Variants in MKLN1 observed in about 807,000 individuals in gnomAD.
MKLN1 encodes the protein muskelin 1.
In MKLN1, 18 loss-of-function variants were observed where a neutral mutation model predicts 99.0. The observed-to-expected ratio is 0.18, with a 90% CI of 0.13 to 0.27. MKLN1 has a LOEUF of 0.27. MKLN1 is among the 10% of genes least tolerant of loss of function. MKLN1 has a pLI of 1.00. For synonymous variants in MKLN1, 288 were observed against 293.2 expected, an observed-to-expected ratio of 0.98 and a Z score of 0.18; for missense variants, 621 against 875.9, an observed-to-expected ratio of 0.71 and a Z score of 3.67.
rs921544164 is a variant in MKLN1 at position 131,481,943 on chromosome 7, C to T, written c.2086+3266C>T. Among the ~76,000 whole-genome samples the T allele has an allele frequency of 4.6e-4, 69 of 151,434 alleles. 2 individuals carry two copies. Among genetic ancestry groups the T allele is most frequent in the African/African-American group, 1.6e-3 (67 of 41,192 alleles). ...TATTGTATGTAAAATTTTAAAGAAT[C>T]AGAAAGATGGAAGGTGACATTATCT... On this transcript the variant is annotated intron_variant, in intron 17 of 17. Coordinates refer to ENST00000352689, the MANE Select transcript of MKLN1 (RefSeq NM_013255.5).
At position 131,490,063 on chromosome 7, in the gene MKLN1, A is replaced by G. The variant is rs1797386430; in HGVS notation, c.*2335A>G. 1 of 152,594 alleles carries G rather than the reference A, an allele frequency of 6.6e-6. No individual in the cohort carries two copies. 9.5% of individuals were successfully genotyped at this position (152,594 alleles called of 1,614,324 possible). A position where few individuals can be genotyped will look rare whatever the true frequency, so the allele number is the denominator to read the frequency against. On this transcript the variant is annotated 3_prime_UTR_variant, in exon 18 of 18. Transcript: ENST00000352689. ...AGAGAATGTAGTGCTTCATATATCC[A>G]TGACCAAGATTGACATGTTGCTCAC...
intron 3 of MKLN1, among the ~76,000 whole-genome samples, chr7:131,211,228 G>A (rs1351198019): frequency 6.6e-6 from 1 of 152,132 alleles, no homozygotes; most frequent in East Asian, 1.9e-4. Context: ...TTCCATTAGA[G>A]CTGCTTTCCA....
intron 3 of MKLN1, among the ~76,000 whole-genome samples, chr7:131,231,609 C>T (rs944883438): frequency 2.6e-5 from 4 of 152,118 alleles, no homozygotes; most frequent in African/African-American, 9.7e-5. Context: ...TGTGCATGCT[C>T]GTGCGTGCAG....
upstream of MKLN1, chr7:131,327,785 G>T: frequency 4.2e-6 from 6 of 1,445,562 alleles, no homozygotes; most frequent in Non-Finnish European, 5.4e-6. Flanking sequence ...ACGATGCGGG[G>T]CGGGGAGCGC....
At chr7:131,118,662 G>T (rs752206855) in intron 1 of MKLN1, among the ~76,000 whole-genome samples, 6 of 152,156 alleles carry the variant, frequency 3.9e-5, no homozygotes, top group Admixed American at 2.6e-4. Flanking sequence ...AGGAAGCATC[G>T]CTGGGGAGGT....
Position 131,429,111 on chromosome 7 carries a change from A to T in MKLN1, c.926A>T (p.Gln309Leu), listed in dbSNP as rs1319205089. Reference sequence around the variant, plus strand: ...TGGGCGTACAGTGTGAAGGAGAACCAGTGGACATGTATCTCTAGAGACACT... The same window carrying T: ...TGGGCGTACAGTGTGAAGGAGAACCTGTGGACATGTATCTCTAGAGACACT... ...DFWAYSVKEN[Q>L]WTCISRDTEK... Residue 309 changes from glutamine (Q) to leucine (L), a missense_variant, in exon 9 of 18, where the codon CAG (glutamine) becomes CTG (leucine). Physicochemically the swap from Gln to Leu is moderately radical, Grantham distance 113. Coordinates refer to ENST00000352689, the MANE Select transcript of MKLN1 (RefSeq NM_013255.5). 1.9e-6 allele frequency: 3 copies of T among 1,613,914 alleles called. No homozygotes were observed. In the African/African-American group the frequency reaches 4.0e-5, roughly 22 times the overall value.
intron 14 of MKLN1, among the ~76,000 whole-genome samples, chr7:131,465,687 C>T (rs755624309): frequency 1.3e-5 from 2 of 151,952 alleles, no homozygotes; most frequent in Admixed American, 6.6e-5. Flanking sequence ...TACAGGCGCC[C>T]GCCACCACGC....
chr7:131,319,409 ACT>A (rs1389330980), intron 3 of MKLN1, among the ~76,000 whole-genome samples: 2 of 152,158 alleles, frequency 1.3e-5, no homozygotes, highest in Non-Finnish European at 2.9e-5. Context: ...CATGTTAAAA[ACT>A]CTCAATAAAC....
rs187941345 is a variant in MKLN1, at chr7:131,168,945, G to A, written c.-297+26004G>A. ...GGCAGTGGTGCAATCTTGGCTCACC[G>A]CAACCTCCACCTCCTGGGTTCAAGC... On this transcript the variant is annotated intron_variant, in intron 2 of 7. Coordinates refer to the MKLN1 transcript ENST00000416992. 3.8e-3 allele frequency among the ~76,000 whole-genome samples: 566 copies of A among 148,792 alleles called. 3 individuals are homozygous for A. Among genetic ancestry groups the A allele is most frequent in the African/African-American group, 0.013 (518 of 40,338 alleles).
In MKLN1 at chr7:131,476,883, A is replaced by G. The variant is rs530457958; in HGVS notation, c.2032-1740A>G. 2.0e-5 allele frequency among the ~76,000 whole-genome samples: 3 copies of G among 152,350 alleles called. No individual in the cohort carries two copies. In the East Asian group the frequency reaches 5.8e-4, roughly 29 times the overall value. ...AAGACAGTGTGGTACTGGCTTAAGG[A>G]TAGACAAATGGATCAGTACAACAGA... On this transcript the variant is annotated intron_variant, in intron 16 of 17. Transcript: ENST00000352689.
At chr7:131,469,652 C>T (rs866628457) in intron 15 of MKLN1, among the ~76,000 whole-genome samples, 5 of 152,334 alleles carry the variant, frequency 3.3e-5, no homozygotes, top group Middle Eastern at 3.4e-3. Flanking sequence ...TCAACCTGAA[C>T]ACCATCGTGA....
intron 3 of MKLN1, among the ~76,000 whole-genome samples, chr7:131,233,086 T>C (rs1177965629): frequency 2.0e-5 from 3 of 152,136 alleles, no homozygotes; most frequent in Admixed American, 2.0e-4. Context: ...TTGCCTGTAA[T>C]CTCAGCACTT....
intron 9 of MKLN1, among the ~76,000 whole-genome samples, chr7:131,431,070 A>G (rs1443148137): frequency 2.0e-5 from 3 of 152,088 alleles, no homozygotes; most frequent in African/African-American, 7.2e-5. Flanking sequence ...CTAAAAATAG[A>G]AACTAGCTGG....
Position 131,351,706 on chromosome 7 carries a change from C to T in MKLN1, c.98+23709C>T, listed in dbSNP as rs895563564. Among the ~76,000 whole-genome samples the T allele has an allele frequency of 2.6e-5, 4 of 152,140 alleles. No homozygotes were observed. In the South Asian group the frequency reaches 8.3e-4, roughly 32 times the overall value. ...CTTAAACTCCTGGCCTCAAGCAATC[C>T]TCCCACATTGGCCTCCATCAGTTTT... On this transcript the variant is annotated intron_variant, in intron 1 of 17. Transcript: ENST00000352689.
At chr7:131,455,580 G>A (rs921948831) in intron 12 of MKLN1, among the ~76,000 whole-genome samples, 1 of 152,040 alleles carries the variant, frequency 6.6e-6, no homozygotes, top group East Asian at 1.9e-4. Flanking sequence ...TTACTGATCT[G>A]CTTGATTAAT....
intron 2 of MKLN1, among the ~76,000 whole-genome samples, chr7:131,154,726 A>G (rs1795939447): frequency 6.6e-6 from 1 of 152,166 alleles, no homozygotes; most frequent in African/African-American, 2.4e-5. Context: ...TCAATTATTT[A>G]GCTATTCTTC....
intron 1 of MKLN1, among the ~76,000 whole-genome samples, chr7:131,140,601 C>T (rs1039193437): frequency 6.6e-6 from 1 of 152,220 alleles, no homozygotes; most frequent in Non-Finnish European, 1.5e-5. Context: ...GCCTGGTCCC[C>T]TTCACCTTCT....
intron 3 of MKLN1, among the ~76,000 whole-genome samples, chr7:131,254,916 A>G (rs1392419657): frequency 1.3e-5 from 2 of 151,996 alleles, no homozygotes; most frequent in East Asian, 1.9e-4. Flanking sequence ...TTTTTTTAGA[A>G]AGAAGATCTC....
chr7:131,339,378 T>A (rs1298029938), intron 1 of MKLN1, among the ~76,000 whole-genome samples: 1 of 152,240 alleles, frequency 6.6e-6, no homozygotes, highest in Non-Finnish European at 1.5e-5. Flanking sequence ...ATTTGCACAT[T>A]TCTTTTGAGA....
Sources: gnomAD v4.1 joint callset for allele counts (sites outside exome capture counted in the v4.1 genomes callset) on GRCh38, gnomAD v4.1.1 for gene constraint, MANE v1.5 for transcripts, NCBI Gene and HGNC (gene_info 2026-07-23, HGNC 2026-07-21) for gene names.